TRPC4: variants seen among roughly 807,000 people sequenced by gnomAD.
TRPC4 encodes the protein transient receptor potential cation channel subfamily C member 4, also known as short transient receptor potential channel 4.
Under a neutral mutation model 99.4 loss-of-function variants are expected in TRPC4, and 49 were observed. That is an observed-to-expected ratio of 0.49 (90% CI 0.39 to 0.63). The LOEUF is 0.63. Ranked by LOEUF, TRPC4 falls within the 20% of genes least tolerant of loss-of-function variation. The pLI is 0.00. For missense variants in TRPC4, 898 were observed against 1,152.9 expected, an observed-to-expected ratio of 0.78 and a Z score of 3.20; for synonymous variants, 454 against 425.9, an observed-to-expected ratio of 1.07 and a Z score of -0.81.
Position 37,637,644 on chromosome 13 carries a change from G to T in TRPC4, c.2212-19C>A. On this transcript the variant is annotated intron_variant, in intron 10 of 10. Coordinates refer to ENST00000379705, the MANE Select transcript of TRPC4 (RefSeq NM_016179.4). ...TTAGTTCCTACGTAGAATTTAAAAT[G>T]AAAAATTCGGTTATGACTTAAACAT... The T allele has an allele frequency of 1.3e-6, 2 of 1,545,312 alleles. No individual in the cohort carries two copies. Among genetic ancestry groups the T allele is most frequent in the Non-Finnish European group, 1.7e-6 (2 of 1,151,276 alleles).
At chr13:37,790,603 G>A (rs1156392083) in intron 1 of TRPC4, among the ~76,000 whole-genome samples, 2 of 152,058 alleles carry the variant, frequency 1.3e-5, no homozygotes, top group South Asian at 2.1e-4. Context: ...TTACTTATCA[G>A]GACTCTCTTC....
intron 6 of TRPC4, among the ~76,000 whole-genome samples, chr13:37,656,458 C>T (rs529721934): frequency 6.6e-6 from 1 of 152,100 alleles, no homozygotes; most frequent in Non-Finnish European, 1.5e-5. Context: ...GTGGCATTGT[C>T]CCCTGTATGC....
intron 1 of TRPC4, among the ~76,000 whole-genome samples, chr13:37,828,200 AC>A: frequency 1.3e-5 from 2 of 152,216 alleles, no homozygotes; most frequent in South Asian, 4.1e-4. Context: ...TGAACCCGGT[AC>A]CTCAGATGGA....
At chr13:37,754,804 T>C (rs1956055072) in intron 2 of TRPC4, among the ~76,000 whole-genome samples, 2 of 152,178 alleles carry the variant, frequency 1.3e-5, no homozygotes, top group African/African-American at 4.8e-5. Flanking sequence ...CTGAATTATT[T>C]TGATAACACA....
Position 37,753,575 on chromosome 13 carries a change from A to AAGAGAGAGAGAGAGAG in TRPC4, c.379-7136_379-7121dup, listed in dbSNP as rs61394712. On this transcript the variant is annotated intron_variant, in intron 2 of 10. Coordinates refer to ENST00000379705, the MANE Select transcript of TRPC4 (RefSeq NM_016179.4). ...AGAGAAAGAAAGAGAGAGAGAGAGA[A>AAGAGAGAGAGAGAGAG]AGAGAGAGAGAGAGAGAGAGAGAGA... 6.3e-4 allele frequency among the ~76,000 whole-genome samples: 86 copies of AAGAGAGAGAGAGAGAG among 137,330 alleles called. No individual in the cohort carries two copies. The South Asian group carries it at 6.3e-3, about 10-fold the overall frequency. 90.1% of individuals were successfully genotyped at this position (137,330 alleles called of 152,430 possible).
chr13:37,655,652 G>A (rs1390663412), intron 6 of TRPC4, among the ~76,000 whole-genome samples: 1 of 151,976 alleles, frequency 6.6e-6, no homozygotes, highest in African/African-American at 2.4e-5. Context: ...TGAAAATTAT[G>A]TAAAATTCAC....
chr13:37,637,116 C>T lies in TRPC4; in HGVS notation c.2721G>A (p.Val907=), dbSNP rs767498840. The T allele has an allele frequency of 7.7e-5, 124 of 1,613,686 alleles. No homozygotes were observed. Among genetic ancestry groups the T allele is most frequent in the Non-Finnish European group, 9.1e-5 (107 of 1,179,840 alleles). The change falls in exon 11 of 11, where the codon GTG becomes GTA. Residue 907 remains valine, a synonymous_variant. Transcript: ENST00000379705. The part of the protein sequence containing the change: ...LSIPGLSEQC[V]LVDHRERNTD... ...TATTCCTTTCTCTATGGTCTACTAA[C>T]ACACATTGTTCACTGAGACCGGGAA... is the stretch of plus-strand genomic sequence containing the variant.
intron 1 of TRPC4, among the ~76,000 whole-genome samples, chr13:37,819,945 T>C (rs1023423130): frequency 4.7e-5 from 7 of 149,304 alleles, no homozygotes; most frequent in Admixed American, 2.0e-4. Flanking sequence ...ACAACCAAAA[T>C]CAGAGATGAA....
intron 4 of TRPC4, among the ~76,000 whole-genome samples, chr13:37,688,541 T>A (rs999659875): frequency 6.6e-6 from 1 of 152,192 alleles, no homozygotes. Flanking sequence ...AACATGGACA[T>A]TTATGATATA....
chr13:37,843,194 T>A (rs914048798), intron 1 of TRPC4, among the ~76,000 whole-genome samples: 16 of 152,178 alleles, frequency 1.1e-4, no homozygotes, highest in Non-Finnish European at 2.2e-4. Context: ...TTTTGTCATC[T>A]GTATAGTAGG....
chr13:37,744,517 G>C (rs1177636368), intron 3 of TRPC4, among the ~76,000 whole-genome samples: 1 of 152,134 alleles, frequency 6.6e-6, no homozygotes, highest in East Asian at 1.9e-4. Context: ...ATTTCACCTT[G>C]TTTCAGGCTT....
At chr13:37,820,769 C>G (rs1210067329) in intron 1 of TRPC4, among the ~76,000 whole-genome samples, 1 of 151,888 alleles carries the variant, frequency 6.6e-6, no homozygotes, top group African/African-American at 2.4e-5. Context: ...ACAAACTAGG[C>G]ATTGAAGGAA....
chr13:37,834,898 C>G (rs1051114658), intron 1 of TRPC4, among the ~76,000 whole-genome samples: 1 of 152,068 alleles, frequency 6.6e-6, no homozygotes, highest in Non-Finnish European at 1.5e-5. Flanking sequence ...CCATGCCTGG[C>G]TAACTTTTGT....
Position 37,812,176 on chromosome 13 carries a change from CA to C in TRPC4, c.-27-28817del, listed in dbSNP as rs61607544. ...CCTAGGCAACAGACTGAGACTCTAT[CA>C]AAAAAAAAAAAAAAAAAACCAGGAG... On this transcript the variant is annotated intron_variant, in intron 1 of 10. Transcript: ENST00000379705. Among the ~76,000 whole-genome samples, 528 of 55,148 alleles carry C rather than the reference CA, an allele frequency of 9.6e-3. 16 individuals are homozygous for C. The highest frequency in any genetic ancestry group is 0.035 in the African/African-American group (441 of 12,678). 36.2% of individuals were successfully genotyped at this position (55,148 alleles called of 152,430 possible).
At chr13:37,684,603 C>T (rs560245888) in intron 4 of TRPC4, among the ~76,000 whole-genome samples, 2 of 152,002 alleles carry the variant, frequency 1.3e-5, no homozygotes, top group Non-Finnish European at 2.9e-5. Context: ...ATAAATATTT[C>T]TCCAATTCCT....
rs1566100645 is a variant in TRPC4, at chr13:37,692,235, CAT to C, written c.996_997del (p.Cys333PhefsTer86). On this transcript the variant is annotated frameshift_variant, in exon 4 of 11. Transcript: ENST00000379705. LOFTEE classifies it high-confidence loss of function. ...AGGAAAAAGAAGTCCTATTATGAAACATGTCACCATCTTCACTGCCCAGTGTC... is the reference window on the plus strand; with the variant it reads ...AGGAAAAAGAAGTCCTATTATGAAACGTCACCATCTTCACTGCCCAGTGTC... 6.2e-7 allele frequency: 1 copy of C among 1,614,108 alleles called. No homozygotes were observed. The highest frequency in any genetic ancestry group is 1.1e-5 in the South Asian group (1 of 91,076).
chr13:37,696,421 C>A (rs929669254), intron 3 of TRPC4, among the ~76,000 whole-genome samples: 6 of 152,088 alleles, frequency 3.9e-5, no homozygotes, highest in Admixed American at 3.3e-4. Context: ...ACAAATAAAT[C>A]AAAAATAACT....
chr13:37,791,084 A>G (rs1026900038), intron 1 of TRPC4, among the ~76,000 whole-genome samples: 1 of 152,068 alleles, frequency 6.6e-6, no homozygotes, highest in African/African-American at 2.4e-5. Flanking sequence ...ATAGAAGTAC[A>G]CTATAAGGAA....
At chr13:37,707,843 C>A (rs1399317220) in intron 3 of TRPC4, among the ~76,000 whole-genome samples, 1 of 152,102 alleles carries the variant, frequency 6.6e-6, no homozygotes, top group Non-Finnish European at 1.5e-5. Context: ...TTACAGCTAA[C>A]TGATTCATCT....
Sources: allele counts gnomAD v4.1 joint callset (sites outside exome capture counted in the v4.1 genomes callset), GRCh38; gene constraint gnomAD v4.1.1; transcripts MANE v1.5; gene names NCBI Gene and HGNC (gene_info 2026-07-23, HGNC 2026-07-21).